Variants in TAS2R1 observed in about 807,000 individuals in gnomAD.
The protein encoded by TAS2R1 is taste receptor type 2 member 1.
For synonymous variants in TAS2R1, 141 were observed against 134.2 expected, an observed-to-expected ratio of 1.05 and a Z score of -0.35; for missense variants, 370 against 353.4, an observed-to-expected ratio of 1.05 and a Z score of -0.38.
At chr5:9,843,891 T>C in the TAS2R1 span, among the ~76,000 whole-genome samples, 2 of 152,204 alleles carry the variant, frequency 1.3e-5, no homozygotes, top group African/African-American at 4.8e-5. Flanking sequence ...GCTTTGCAGA[T>C]AGACAAAAAG....
chr5:9,827,570 A>G, the TAS2R1 span, among the ~76,000 whole-genome samples: 15 of 143,976 alleles, frequency 1.0e-4, no homozygotes, highest in Non-Finnish European at 2.1e-4. Flanking sequence ...TTCCATCCCT[A>G]TACACACACA....
At chr5:9,804,581 T>G in the TAS2R1 span, among the ~76,000 whole-genome samples, 1 of 151,942 alleles carries the variant, frequency 6.6e-6, no homozygotes, top group Admixed American at 6.6e-5. Flanking sequence ...GGAAACAAAC[T>G]CCGAAAGAAA....
chr5:9,800,376 A>C, the TAS2R1 span, among the ~76,000 whole-genome samples: 3 of 152,204 alleles, frequency 2.0e-5, no homozygotes, highest in South Asian at 6.2e-4. Context: ...ACATAAACAC[A>C]GGTTTCCAAT....
the TAS2R1 span, among the ~76,000 whole-genome samples, chr5:9,738,367 G>A: frequency 2.6e-4 from 39 of 152,112 alleles, no homozygotes; most frequent in Non-Finnish European, 8.8e-5. Context: ...CAGCTGTCAC[G>A]TTTCCTGATA....
intron 1 of TAS2R1, among the ~76,000 whole-genome samples, chr5:9,662,419 A>T (rs1432431993): frequency 8.1e-4 from 123 of 152,318 alleles, no homozygotes; most frequent in Non-Finnish European, 4.4e-5. Context: ...TGTGCTGGTT[A>T]TCAGAACCAA....
the TAS2R1 span, among the ~76,000 whole-genome samples, chr5:9,827,839 A>G: frequency 6.6e-6 from 1 of 152,330 alleles, no homozygotes; most frequent in East Asian, 1.9e-4. Context: ...TTATCTGATT[A>G]AAATCCAGCA....
At chr5:9,643,527 G>A (rs565610668) in intron 2 of TAS2R1, among the ~76,000 whole-genome samples, 45 of 152,210 alleles carry the variant, frequency 3.0e-4, no homozygotes, top group Admixed American at 1.3e-3. Context: ...ATGTGAAGGC[G>A]TAGGACATTA....
At chr5:9,640,724 T>A (rs1294847483) in intron 2 of TAS2R1, among the ~76,000 whole-genome samples, 1 of 152,180 alleles carries the variant, frequency 6.6e-6, no homozygotes, top group East Asian at 1.9e-4. Flanking sequence ...GAGAAGCAGA[T>A]TTGTGCTTTC....
At chr5:9,782,998 T>A in the TAS2R1 span, among the ~76,000 whole-genome samples, 1 of 152,154 alleles carries the variant, frequency 6.6e-6, no homozygotes, top group East Asian at 1.9e-4. Context: ...AGTTGACAAA[T>A]AGCAGGCATT....
intron 1 of TAS2R1, among the ~76,000 whole-genome samples, chr5:9,698,599 A>G (rs1385618285): frequency 6.6e-6 from 1 of 152,194 alleles, no homozygotes; most frequent in Non-Finnish European, 1.5e-5. Context: ...AGGAAAACCT[A>G]AAAGAGGGGA....
At chr5:9,779,553 G>A in the TAS2R1 span, among the ~76,000 whole-genome samples, 9 of 152,212 alleles carry the variant, frequency 5.9e-5, no homozygotes, top group African/African-American at 2.2e-4. Flanking sequence ...AGGGAGGCAA[G>A]AGGAGAGGAA....
chr5:9,670,064 G>A (rs1740719052), intron 1 of TAS2R1, among the ~76,000 whole-genome samples: 1 of 151,472 alleles, frequency 6.6e-6, no homozygotes. Context: ...AATAAAAAGG[G>A]GCTACTACTA....
rs1579794196 is a variant in TAS2R1 at position 9,707,670 on chromosome 5, G to A, written c.-242+4502C>T. On this transcript the variant is annotated intron_variant, in intron 1 of 2. Coordinates refer to the TAS2R1 transcript ENST00000506620. ...TGCACTCTAGCCTGGGCGACAGAGT[G>A]AGACTCTGTCTCATACAAAACAAAA... is the stretch of plus-strand genomic sequence containing the variant. Among the ~76,000 whole-genome samples, 3 of 152,100 alleles carry A rather than the reference G, an allele frequency of 2.0e-5. No homozygotes were observed. In the South Asian group the frequency reaches 6.2e-4, roughly 32 times the overall value.
chr5:9,796,286 T>C, the TAS2R1 span, among the ~76,000 whole-genome samples: 2 of 152,174 alleles, frequency 1.3e-5, no homozygotes, highest in Admixed American at 1.3e-4. Context: ...CAAAAGTCTT[T>C]CATTGACTCA....
chr5:9,661,781 A>C (rs190528356), intron 1 of TAS2R1, among the ~76,000 whole-genome samples: 36 of 152,340 alleles, frequency 2.4e-4, no homozygotes, highest in African/African-American at 8.4e-4. Context: ...GTGTGTACGT[A>C]AATCATATAC....
the TAS2R1 span, among the ~76,000 whole-genome samples, chr5:9,824,708 G>A: frequency 2.6e-5 from 4 of 152,018 alleles, no homozygotes; most frequent in Admixed American, 2.0e-4. Flanking sequence ...TTAGCCAGGT[G>A]TGGTGGTGGG....
the TAS2R1 span, among the ~76,000 whole-genome samples, chr5:9,754,620 T>C: frequency 1.3e-5 from 2 of 152,092 alleles, no homozygotes; most frequent in Non-Finnish European, 2.9e-5. Context: ...GAGAGCCAAA[T>C]CACGAGTGAA....
In TAS2R1 at chr5:9,640,223, C is replaced by T. The variant is rs540513357; in HGVS notation, c.-80-10231G>A. Among the ~76,000 whole-genome samples, 57 of 151,894 alleles carry T rather than the reference C, an allele frequency of 3.8e-4. No individual in the cohort carries two copies. The South Asian group carries it at 7.9e-3, about 21-fold the overall frequency. On this transcript the variant is annotated intron_variant, in intron 2 of 2. Transcript: ENST00000506620. ...AGGAGAAGGAGTGCAATGGGACAGC[C>T]GGGTAGAGGGTCAGTCAGAACACAC... is the stretch of plus-strand genomic sequence containing the variant.
the TAS2R1 span, among the ~76,000 whole-genome samples, chr5:9,764,334 T>C: frequency 2.6e-5 from 4 of 152,348 alleles, no homozygotes; most frequent in African/African-American, 9.6e-5. Context: ...TAAAAACTTC[T>C]AAGAGCACTT....
Sources: allele counts gnomAD v4.1 joint callset (sites outside exome capture counted in the v4.1 genomes callset), GRCh38; gene constraint gnomAD v4.1.1; transcripts MANE v1.5; gene names NCBI Gene and HGNC (gene_info 2026-07-23, HGNC 2026-07-21).